NMNAT3: variants seen among roughly 807,000 people sequenced by gnomAD.
NMNAT3 encodes the protein nicotinamide nucleotide adenylyltransferase 3.
In NMNAT3, 21 loss-of-function variants were observed where a neutral mutation model predicts 24.8. That is an observed-to-expected ratio of 0.85 (90% CI 0.60 to 1.22). The LOEUF (loss-of-function observed/expected upper bound fraction) is 1.22. NMNAT3 is among the 50% of genes most tolerant of loss of function. The pLI, the probability that NMNAT3 is intolerant of heterozygous loss-of-function variation, is 0.00. For synonymous variants in NMNAT3, 136 were observed against 155.2 expected (o/e 0.88, Z 0.92); for missense variants, 387 against 436.6 (o/e 0.89, Z 1.01).
chr3:139,658,433 C>T (rs62273071), intron 1 of NMNAT3, among the ~76,000 whole-genome samples: 36,851 of 152,158 alleles, frequency 0.24, 5,482 homozygotes, highest in East Asian at 0.45. Context: ...CCTATCAAGA[C>T]CCTCTGGGGT....
At chr3:139,576,054 A>G in intron 5 of NMNAT3, 13 of 1,288,054 alleles carry the variant, frequency 1.0e-5, no homozygotes, top group Non-Finnish European at 1.2e-5. Context: ...TTATAGGGAA[A>G]GAAGGAATCC....
chr3:139,645,393 G>A (rs796906173), intron 1 of NMNAT3, among the ~76,000 whole-genome samples: 12 of 152,246 alleles, frequency 7.9e-5, no homozygotes, highest in African/African-American at 2.9e-4. Context: ...ACAAAACAGG[G>A]CCTAAACTTG....
At chr3:139,668,219 C>G (rs2057647924) in intron 1 of NMNAT3, among the ~76,000 whole-genome samples, 1 of 152,146 alleles carries the variant, frequency 6.6e-6, no homozygotes. Context: ...GGGGCATGGT[C>G]TGAGGTGTCA....
intron 1 of NMNAT3, among the ~76,000 whole-genome samples, chr3:139,657,953 G>A (rs2057298606): frequency 6.6e-6 from 1 of 151,898 alleles, no homozygotes; most frequent in Non-Finnish European, 1.5e-5. Context: ...GCCTGAGAAT[G>A]CCATTCTTGC....
chr3:139,562,038 T>C (rs957775223), intron 6 of NMNAT3, among the ~76,000 whole-genome samples: 1 of 152,198 alleles, frequency 6.6e-6, no homozygotes, highest in Non-Finnish European at 1.5e-5. Context: ...ATTGTGATAA[T>C]GAAATAATAC....
intron 1 of NMNAT3, among the ~76,000 whole-genome samples, chr3:139,657,237 G>A (rs570305219): frequency 2.4e-4 from 36 of 152,314 alleles, no homozygotes; most frequent in Admixed American, 2.4e-3. Context: ...CTCCATCCAA[G>A]CCACAAGATC....
rs765050142 is a variant in NMNAT3 at position 139,561,143 on chromosome 3, A to G, written c.908T>C (p.Leu303Ser). The G allele has an allele frequency of 3.1e-6, 5 of 1,614,042 alleles. No homozygotes were observed. The African/African-American group carries it at 6.7e-5, about 22-fold the overall frequency. Residue 303 changes from leucine to serine, a missense_variant, in exon 7 of 7, where the codon TTG becomes TCG. Physicochemically the swap from Leu to Ser is moderately radical, Grantham distance 145. Coordinates refer to ENST00000643695, the MANE Select transcript of NMNAT3 (RefSeq NM_001320510.2). The stretch of plus-strand genomic sequence containing the variant: ...GTACTTTACGCTCTGCCCTTGGCCC[A>G]AGGCTCGCCTGATGTATGTGGCACT...
At chr3:139,631,977 G>A (rs2056318661) in intron 2 of NMNAT3, among the ~76,000 whole-genome samples, 1 of 151,922 alleles carries the variant, frequency 6.6e-6, no homozygotes, top group Non-Finnish European at 1.5e-5. Context: ...TAAGAGACAG[G>A]GTCCCACTTT....
intron 1 of NMNAT3, among the ~76,000 whole-genome samples, chr3:139,673,918 G>A (rs1199694219): frequency 1.3e-5 from 2 of 152,086 alleles, no homozygotes; most frequent in Non-Finnish European, 2.9e-5. Flanking sequence ...AGAAGGGCAT[G>A]CCGACAGGCA....
chr3:139,664,317 C>T (rs767782997), intron 1 of NMNAT3, among the ~76,000 whole-genome samples: 3 of 152,298 alleles, frequency 2.0e-5, no homozygotes, highest in Non-Finnish European at 4.4e-5. Flanking sequence ...GCAACACCTT[C>T]GCTTTCAAAA....
At position 139,670,961 on chromosome 3, in the gene NMNAT3, C is replaced by T. The variant is rs936062324; in HGVS notation, c.-141+6744G>A. On this transcript the variant is annotated intron_variant, in intron 1 of 6. Transcript: ENST00000643695. ...TCAGCCAGGAACCCAGAGTGTATCTCTGGACTGGAAACATGGAAACAGGGA... is the reference window on the plus strand; with the variant it reads ...TCAGCCAGGAACCCAGAGTGTATCTTTGGACTGGAAACATGGAAACAGGGA... Among the ~76,000 whole-genome samples, 4 of 152,156 alleles carry T rather than the reference C, an allele frequency of 2.6e-5. No homozygotes were observed. In the East Asian group the frequency reaches 7.7e-4, roughly 29 times the overall value.
At chr3:139,611,728 C>T (rs2055225064) in intron 3 of NMNAT3, among the ~76,000 whole-genome samples, 1 of 152,206 alleles carries the variant, frequency 6.6e-6, no homozygotes, top group Non-Finnish European at 1.5e-5. Context: ...TTTGTGTTGG[C>T]AGGCTGCCAG....
At chr3:139,572,845 G>A (rs1426254086) in intron 6 of NMNAT3, among the ~76,000 whole-genome samples, 1 of 152,192 alleles carries the variant, frequency 6.6e-6, no homozygotes, top group African/African-American at 2.4e-5. Context: ...CACATTAGGT[G>A]TGCTAAACCC....
At chr3:139,564,826 T>C (rs995158215) in intron 6 of NMNAT3, among the ~76,000 whole-genome samples, 4 of 152,254 alleles carry the variant, frequency 2.6e-5, no homozygotes, top group African/African-American at 9.6e-5. Flanking sequence ...TTAATTGCTC[T>C]ACATTTTACC....
intron 3 of NMNAT3, among the ~76,000 whole-genome samples, chr3:139,589,281 A>G (rs1047587728): frequency 1.3e-5 from 2 of 152,232 alleles, no homozygotes; most frequent in Non-Finnish European, 2.9e-5. Context: ...AATAAATAAG[A>G]CATTCTATTT....
chr3:139,667,875 G>T (rs1576793319), intron 1 of NMNAT3, among the ~76,000 whole-genome samples: 1 of 152,276 alleles, frequency 6.6e-6, no homozygotes, highest in East Asian at 1.9e-4. Flanking sequence ...AAAGGAAATA[G>T]TCTAGAACAA....
At chr3:139,644,234 A>T (rs1277829697) in intron 1 of NMNAT3, among the ~76,000 whole-genome samples, 1 of 152,216 alleles carries the variant, frequency 6.6e-6, no homozygotes, top group African/African-American at 2.4e-5. Flanking sequence ...AACACTAACA[A>T]TAAGGAAAAG....
At chr3:139,582,363 C>T (rs1391936547) in intron 4 of NMNAT3, among the ~76,000 whole-genome samples, 20 of 148,776 alleles carry the variant, frequency 1.3e-4, no homozygotes, top group Admixed American at 1.1e-3. Flanking sequence ...ACACTTAGGC[C>T]GGACATGATA....
chr3:139,575,773 G>A, intron 5 of NMNAT3: 1 of 1,153,634 alleles, frequency 8.7e-7, no homozygotes, highest in South Asian at 1.9e-5. Flanking sequence ...ATTGACCCTG[G>A]GGGCATGTTC....
Sources: gnomAD v4.1 joint callset for allele counts (sites outside exome capture counted in the v4.1 genomes callset) on GRCh38, gnomAD v4.1.1 for gene constraint, MANE v1.5 for transcripts, NCBI Gene and HGNC (gene_info 2026-07-23, HGNC 2026-07-21) for gene names.